CC2D2B: variants seen among roughly 807,000 people sequenced by gnomAD.
CC2D2B encodes the protein coiled-coil and C2 domain containing 2B.
A neutral mutation model predicts 161.2 loss-of-function variants in CC2D2B; 128 were observed. That is an observed-to-expected ratio of 0.79 (90% CI 0.69 to 0.92). The LOEUF is 0.92. CC2D2B is among the 40% of genes least tolerant of loss of function. The pLI is 0.00. For synonymous variants in CC2D2B, 391 were observed against 449.8 expected (o/e 0.87, Z 1.65); for missense variants, 1,173 against 1,375.1 (o/e 0.85, Z 2.32).
chr10:96,012,848 T>C, intron 28 of CC2D2B, 119 bp downstream of exon 28: 2 of 669,382 alleles, frequency 3.0e-6, no homozygotes, highest in South Asian at 3.8e-5. Flanking sequence ...AAAATATTTG[T>C]ACTGTTTGTG....
chr10:96,025,003 T>G, intron 33 of CC2D2B, 92 bp downstream of exon 33: 1 of 696,524 alleles, frequency 1.4e-6, no homozygotes, highest in Non-Finnish European at 2.4e-6. Flanking sequence ...AACAGAAACA[T>G]GAAAAAGGAG....
chr10:96,000,575 A>G (rs2078443797), intron 24 of CC2D2B, among the ~76,000 whole-genome samples: 2 of 152,080 alleles, frequency 1.3e-5, no homozygotes, highest in Admixed American at 1.3e-4. Flanking sequence ...CATGTTAGTC[A>G]GGATGGTATT....
chr10:95,938,487 A>T, intron 7 of CC2D2B, 82 bp from the exon 8 acceptor site: 1 of 618,284 alleles, frequency 1.6e-6, no homozygotes, highest in Non-Finnish European at 2.9e-6. Flanking sequence ...GTGTAATTAT[A>T]GTTGTTTGTA....
chr10:95,938,441 TGA>T lies in CC2D2B; in HGVS notation c.536-120_536-119del, dbSNP rs904108667. The T allele has an allele frequency of 1.5e-5, 9 of 601,854 alleles. No homozygotes were observed. The Admixed American group carries it at 2.9e-4, about 19-fold the overall frequency. The allele number at this position is 601,854 out of a possible 1,614,324, so 37.3% of individuals were successfully genotyped here. A position where few individuals can be genotyped will look rare whatever the true frequency, so the allele number is the denominator to read the frequency against. On this transcript the variant is annotated intron_variant, in intron 7 of 34. Coordinates refer to ENST00000646931, the MANE Select transcript of CC2D2B (RefSeq NM_001349008.3). ...GAGCGAGCGAGAAAGTAAGAGACAG[TGA>T]GAGAGAGGCTTTCTGCTAGACTTCA...
intron 22 of CC2D2B, among the ~76,000 whole-genome samples, chr10:95,993,361 A>G (rs2078028467): frequency 1.3e-5 from 2 of 152,136 alleles, no homozygotes; most frequent in South Asian, 4.1e-4. Flanking sequence ...AGTATGATTT[A>G]TATATTACTA....
intron 15 of CC2D2B, among the ~76,000 whole-genome samples, chr10:95,971,853 T>C (rs553910665): frequency 6.6e-6 from 1 of 152,196 alleles, no homozygotes; most frequent in African/African-American, 2.4e-5. Context: ...ATCCCTTGTA[T>C]TCAATTCATT....
At chr10:96,002,098 A>C (rs2078523174) in intron 24 of CC2D2B, among the ~76,000 whole-genome samples, 1 of 152,232 alleles carries the variant, frequency 6.6e-6, no homozygotes, top group Admixed American at 6.5e-5. Context: ...GTATTAAATA[A>C]ATTTAGGAGA....
chr10:95,974,225 G>A, intron 17 of CC2D2B, 69 bp downstream of exon 17: 2 of 896,134 alleles, frequency 2.2e-6, no homozygotes, highest in Non-Finnish European at 2.9e-6. Context: ...CATATTATGT[G>A]TAAAAGAGAA....
chr10:95,992,763 G>T, intron 22 of CC2D2B, 66 bp downstream of exon 22: 5 of 1,043,630 alleles, frequency 4.8e-6, no homozygotes, highest in Non-Finnish European at 6.1e-6. Flanking sequence ...AATTCTCCAT[G>T]CTGTTCTATT....
chr10:95,918,342 G>A (rs1343163830), intron 2 of CC2D2B, among the ~76,000 whole-genome samples: 1 of 152,116 alleles, frequency 6.6e-6, no homozygotes, highest in East Asian at 1.9e-4. Flanking sequence ...GTCTTGGAAA[G>A]TCTCAATTTC....
At chr10:95,966,338 A>G in intron 14 of CC2D2B, 36 bp downstream of exon 14, 1 of 743,636 alleles carries the variant, frequency 1.3e-6, no homozygotes, top group East Asian at 3.4e-5. Context: ...TTTATTATAT[A>G]TTGTCTATTA....
intron 24 of CC2D2B, among the ~76,000 whole-genome samples, chr10:95,999,046 A>G (rs1032856091): frequency 1.3e-5 from 2 of 152,114 alleles, no homozygotes; most frequent in Admixed American, 6.6e-5. Context: ...GCGCCACTGC[A>G]CTCCAGCCTG....
At chr10:95,955,614 A>G (rs564780441) in intron 11 of CC2D2B, 123 bp downstream of exon 11, 6 of 391,356 alleles carry the variant, frequency 1.5e-5, no homozygotes, top group Admixed American at 8.9e-5. Flanking sequence ...CGATTACAGA[A>G]ATGGTTTCAA....
At chr10:95,993,692 A>G (rs866842042) in intron 22 of CC2D2B, among the ~76,000 whole-genome samples, 1 of 150,700 alleles carries the variant, frequency 6.6e-6, no homozygotes, top group Admixed American at 6.7e-5. Flanking sequence ...AAAAAAAAAA[A>G]AGAATATTGT....
At position 95,966,210 on chromosome 10, in the gene CC2D2B, A is replaced by C. The variant is rs2076936047; in HGVS notation, c.1374A>C (p.Ser458=). The C allele has an allele frequency of 8.2e-7, 1 of 1,221,926 alleles. No individual in the cohort carries two copies. Among genetic ancestry groups the C allele is most frequent in the Non-Finnish European group, 1.0e-6 (1 of 979,098 alleles). 75.7% of individuals were successfully genotyped at this position (1,221,926 alleles called of 1,614,324 possible). A position where few individuals can be genotyped will look rare whatever the true frequency, so the allele number is the denominator to read the frequency against. The part of the protein sequence containing the change: ...KKLESLSYLA[S]DETEIERIKP... ...TCTAGAGCCTCTCATATCTAGCTTC[A>C]GACGAAACAGAAATTGAAAGAATAA... is the stretch of plus-strand genomic sequence containing the variant. The change falls in exon 14 of 35, where the codon TCA becomes TCC. Residue 458 remains serine, a synonymous_variant. Transcript: ENST00000646931.
Position 96,032,045 on chromosome 10 carries a change from T to A in CC2D2B, c.*37T>A. On this transcript the variant is annotated 3_prime_UTR_variant, in exon 35 of 35. Transcript: ENST00000646931. ...AGCAAAGTAAAAGATTGTACTATAG[T>A]CCTCTAGTACCAACAAAAACTTTTC... 1 of 1,508,568 alleles carries A rather than the reference T, an allele frequency of 6.6e-7. No homozygotes were observed. Among genetic ancestry groups the A allele is most frequent in the South Asian group, 1.2e-5 (1 of 86,526 alleles). 93.4% of individuals were successfully genotyped at this position (1,508,568 alleles called of 1,614,324 possible).
At chr10:95,977,373 C>T (rs1314884426) in intron 17 of CC2D2B, among the ~76,000 whole-genome samples, 1 of 151,930 alleles carries the variant, frequency 6.6e-6, no homozygotes, top group East Asian at 1.9e-4. Context: ...GACTCTGTCT[C>T]AATAAACAAA....
At chr10:95,986,430 T>C (rs528739665) in intron 19 of CC2D2B, among the ~76,000 whole-genome samples, 86 of 104,334 alleles carry the variant, frequency 8.2e-4, no homozygotes, top group African/African-American at 3.0e-3. Flanking sequence ...TTGTTATTCA[T>C]ACATGTGGAA....
rs568672787 is a variant in CC2D2B at position 95,927,242 on chromosome 10, T to G, written c.246T>G (p.Ser82=). 6.5e-7 allele frequency: 1 copy of G among 1,535,892 alleles called. No homozygotes were observed. The highest frequency in any genetic ancestry group is 1.2e-5 in the South Asian group (1 of 83,360). The change falls in exon 6 of 35, where the codon TCT becomes TCG. Residue 82 remains serine, a synonymous_variant. Coordinates refer to ENST00000646931, the MANE Select transcript of CC2D2B (RefSeq NM_001349008.3). The stretch of plus-strand genomic sequence containing the variant: ...TAAATACTGGTTTATCATAGTTGTC[T>G]CCACAGACTGAAGTCTCATTGGATG... ...DSEIHQRSKL[S]PQTEVSLDES... is the part of the protein sequence containing the mutation.
Sources: gnomAD v4.1 joint callset for allele counts (sites outside exome capture counted in the v4.1 genomes callset) on GRCh38, gnomAD v4.1.1 for gene constraint, MANE v1.5 for transcripts, NCBI Gene and HGNC (gene_info 2026-07-23, HGNC 2026-07-21) for gene names.